The following TEX15 variants were observed in gnomAD, a reference collection of about 807,000 sequenced individuals.
The protein encoded by TEX15 is testis-expressed protein 15.
In TEX15, 171 loss-of-function variants were observed where a neutral mutation model predicts 237.3. The observed-to-expected ratio is 0.72, with a 90% CI of 0.64 to 0.82. TEX15 has a LOEUF of 0.82. TEX15 is among the 40% of genes least tolerant of loss of function. The pLI is 0.00. For missense variants in TEX15, 3,750 were observed against 3,646.5 expected (o/e 1.03, Z -0.73); for synonymous variants, 1,338 against 1,269.8 (o/e 1.05, Z -1.14).
intron 1 of TEX15, among the ~76,000 whole-genome samples, chr8:30,907,657 ATAATTT>A (rs1809134978): frequency 7.0e-6 from 1 of 142,138 alleles, no homozygotes; most frequent in Non-Finnish European, 1.5e-5. Context: ...TATATTATAT[ATAATTT>A]ATATATAAAT....
chr8:30,851,035 C>G (rs1032860248), intron 7 of TEX15, among the ~76,000 whole-genome samples: 1 of 152,090 alleles, frequency 6.6e-6, no homozygotes, highest in South Asian at 2.1e-4. Flanking sequence ...AGTATAAATT[C>G]GTACAAATTT....
chr8:30,909,394 A>ACCCCCCCCCCC (rs35046956), intron 1 of TEX15, among the ~76,000 whole-genome samples: 71 of 118,394 alleles, frequency 6.0e-4, no homozygotes, highest in Middle Eastern at 4.2e-3. Context: ...TTAAAGACAG[A>ACCCCCCCCCCC]CCCCCCCCCG....
intron 3 of TEX15, among the ~76,000 whole-genome samples, chr8:30,878,509 G>A (rs1229791234): frequency 1.3e-5 from 2 of 151,822 alleles, no homozygotes; most frequent in African/African-American, 2.4e-5. Flanking sequence ...TCAGCCTCAC[G>A]AGTAGCTAGG....
chr8:30,857,323 A>G (rs917771209), intron 7 of TEX15, among the ~76,000 whole-genome samples: 1 of 152,220 alleles, frequency 6.6e-6, no homozygotes, highest in Non-Finnish European at 1.5e-5. Flanking sequence ...AAAATGGGAA[A>G]ACATACCCAT....
intron 2 of TEX15, among the ~76,000 whole-genome samples, chr8:30,892,851 G>A (rs1808823565): frequency 6.6e-6 from 1 of 151,964 alleles, no homozygotes; most frequent in East Asian, 1.9e-4. Flanking sequence ...GGCTAACACG[G>A]TAAAACCCCG....
At chr8:30,859,862 C>T (rs1458397293) in intron 6 of TEX15, 49 bp downstream of exon 6, 21 of 1,295,848 alleles carry the variant, frequency 1.6e-5, no homozygotes, top group Non-Finnish European at 1.8e-5. Context: ...TTAAAACATA[C>T]AATGTGAAAC....
At chr8:30,860,804 C>T (rs950602974) in intron 5 of TEX15, among the ~76,000 whole-genome samples, 1 of 151,954 alleles carries the variant, frequency 6.6e-6, no homozygotes, top group South Asian at 2.1e-4. Context: ...CCCACCTCGG[C>T]TTCCGAAAAG....
intron 3 of TEX15, among the ~76,000 whole-genome samples, chr8:30,876,392 C>G (rs55731059): frequency 0.061 from 9,305 of 152,256 alleles, 527 homozygotes; most frequent in Admixed American, 0.19. Flanking sequence ...TTTCCTGACT[C>G]TGGGTAATGT....
At chr8:30,868,076 C>T (rs1308161762) in intron 4 of TEX15, among the ~76,000 whole-genome samples, 1 of 151,922 alleles carries the variant, frequency 6.6e-6, no homozygotes, top group Admixed American at 6.6e-5. Flanking sequence ...CACACATGCA[C>T]AAATATATCA....
intron 2 of TEX15, among the ~76,000 whole-genome samples, chr8:30,889,942 T>TATATATAC (rs1554502308): frequency 1.3e-4 from 17 of 131,224 alleles, no homozygotes; most frequent in East Asian, 4.0e-4. Flanking sequence ...TACATATATA[T>TATATATAC]ATATATATAT....
Position 30,844,014 on chromosome 8 carries a change from C to CCTGT in TEX15, c.6152_6153insACAG (p.Leu2052GlnfsTer10), listed in dbSNP as rs1563234453. The CCTGT allele has an allele frequency of 6.2e-7, 1 of 1,612,046 alleles. No individual in the cohort carries two copies. The highest frequency in any genetic ancestry group is 8.5e-7 in the Non-Finnish European group (1 of 1,179,150). On this transcript the variant is annotated frameshift_variant, in exon 8 of 11. Coordinates refer to ENST00000643185, the MANE Select transcript of TEX15 (RefSeq NM_001350162.2). LOFTEE classifies it high-confidence loss of function. ...TATTCCACAGGTTTTGGTCTACCAACAGTTCTCTTGAAATCAGGATTTGTT... is the reference window on the plus strand; with the variant it reads ...TATTCCACAGGTTTTGGTCTACCAACCTGTAGTTCTCTTGAAATCAGGATTTGTT...
chr8:30,886,587 G>C (rs1038454752), intron 3 of TEX15, among the ~76,000 whole-genome samples: 4 of 152,142 alleles, frequency 2.6e-5, no homozygotes, highest in Non-Finnish European at 4.4e-5. Flanking sequence ...TGGCACCATG[G>C]GGAAGGAAAG....
rs889925302 is a variant in TEX15, at chr8:30,833,034, C to T, written c.*252G>A. ...GAATCTAGTTTTAAAGATTTTACCA[C>T]TATTGCTTAACTTTGATCATATTAC... On this transcript the variant is annotated 3_prime_UTR_variant, in exon 11 of 11. Coordinates refer to ENST00000643185, the MANE Select transcript of TEX15 (RefSeq NM_001350162.2). The T allele has an allele frequency of 3.2e-6, 1 of 312,122 alleles. No homozygotes were observed. The highest frequency in any genetic ancestry group is 2.2e-5 in the African/African-American group (1 of 46,032). 19.3% of individuals were successfully genotyped at this position (312,122 alleles called of 1,614,324 possible).
rs2128779987 is a variant in TEX15 at position 30,906,587 on chromosome 8, C to T, written c.-86+6292G>A. On this transcript the variant is annotated intron_variant, in intron 1 of 10. Transcript: ENST00000643185. ...CCTGGGTGACAGAGCAAGACTCCATCTCAAAAGAAAAAAAAAAAAAAAAAG... is the reference window on the plus strand; with the variant it reads ...CCTGGGTGACAGAGCAAGACTCCATTTCAAAAGAAAAAAAAAAAAAAAAAG... Among the ~76,000 whole-genome samples, 3 of 119,712 alleles carry T rather than the reference C, an allele frequency of 2.5e-5. No homozygotes were observed. The South Asian group carries it at 7.7e-4, about 31-fold the overall frequency. The allele number at this position is 119,712 out of a possible 152,430, so 78.5% of individuals were successfully genotyped here.
chr8:30,909,394 ACC>A (rs35046956), intron 1 of TEX15, among the ~76,000 whole-genome samples: 1 of 118,340 alleles, frequency 8.5e-6, no homozygotes, highest in South Asian at 2.9e-4. Flanking sequence ...TTAAAGACAG[ACC>A]CCCCCCCGCC....
chr8:30,843,278 C>T lies in TEX15; in HGVS notation c.6889G>A (p.Glu2297Lys), dbSNP rs1043021013. The T allele has an allele frequency of 9.3e-6, 15 of 1,611,734 alleles. No homozygotes were observed. The African/African-American group carries it at 9.4e-5, about 10-fold the overall frequency. The stretch of plus-strand genomic sequence containing the variant: ...TTATTCACTCTGAGTAGCCTTTCTT[C>T]GTCCTTCTTTTGTGAGTATTTTTTG... ...FSKKYSQKKD[E>K]ERLLRVNKCA... is the part of the protein sequence containing the mutation. The change falls in exon 8 of 11, where the codon GAA (glutamate) becomes AAA (lysine). Residue 2297 changes from glutamate to lysine, a missense_variant. Transcript: ENST00000643185.
At chr8:30,858,569 A>C (rs777784097) in intron 7 of TEX15, 99 bp downstream of exon 7, 1 of 1,077,510 alleles carries the variant, frequency 9.3e-7, no homozygotes, top group East Asian at 2.8e-5. Flanking sequence ...AAGTGCTAGG[A>C]TTACAGGTGT....
chr8:30,908,382 C>T (rs1809152717), intron 1 of TEX15, among the ~76,000 whole-genome samples: 1 of 152,144 alleles, frequency 6.6e-6, no homozygotes. Context: ...TTGACTTGCT[C>T]TATTATATTA....
chr8:30,877,667 C>A (rs1314824494), intron 3 of TEX15, among the ~76,000 whole-genome samples: 2 of 152,024 alleles, frequency 1.3e-5, no homozygotes, highest in East Asian at 3.8e-4. Context: ...TGAAATGAAT[C>A]TAGATTCACA....
Sources: gnomAD v4.1 joint callset for allele counts (sites outside exome capture counted in the v4.1 genomes callset) on GRCh38, gnomAD v4.1.1 for gene constraint, MANE v1.5 for transcripts, NCBI Gene and HGNC (gene_info 2026-07-23, HGNC 2026-07-21) for gene names.